HSD17B4: variants seen among roughly 807,000 people sequenced by gnomAD.
HSD17B4 encodes the protein peroxisomal multifunctional enzyme type 2.
In HSD17B4, 70 loss-of-function variants were observed where a neutral mutation model predicts 101.0. That is an observed-to-expected ratio of 0.69 (90% CI 0.57 to 0.85). The LOEUF (loss-of-function observed/expected upper bound fraction) is 0.85, where lower values mean the gene tolerates loss of function less well. Ranked by LOEUF, HSD17B4 falls within the 40% of genes least tolerant of loss-of-function variation. HSD17B4 has a pLI of 0.00. For missense variants in HSD17B4, 984 were observed against 892.4 expected, an observed-to-expected ratio of 1.10 and a Z score of -1.31; for synonymous variants, 347 against 297.1, an observed-to-expected ratio of 1.17 and a Z score of -1.73.
At chr5:119,495,791 C>A in intron 11 of HSD17B4, 1 of 166,730 alleles carries the variant, frequency 6.0e-6, no homozygotes, top group South Asian at 1.2e-4. Context: ...CCACCTCAGC[C>A]TCCCAAGTAG....
At chr5:119,507,181 C>T (rs1345444104) in intron 15 of HSD17B4, among the ~76,000 whole-genome samples, 1 of 152,146 alleles carries the variant, frequency 6.6e-6, no homozygotes, top group Non-Finnish European at 1.5e-5. Flanking sequence ...GAGAATTAAG[C>T]TTGCTGGAGT....
chr5:119,475,776 A>G, intron 5 of HSD17B4, 48 bp from the exon 6 acceptor site: 1 of 1,585,628 alleles, frequency 6.3e-7, no homozygotes, highest in East Asian at 2.2e-5. Flanking sequence ...ATTTTTTTAA[A>G]AAGTATATAC....
chr5:119,521,043 C>G (rs552945923), intron 17 of HSD17B4, among the ~76,000 whole-genome samples: 31 of 152,276 alleles, frequency 2.0e-4, no homozygotes, highest in South Asian at 1.9e-3. Context: ...GCCAAAGCTT[C>G]TTAGTCAGCT....
chr5:119,498,594 G>A (rs1205509901), intron 12 of HSD17B4, among the ~76,000 whole-genome samples: 3 of 123,346 alleles, frequency 2.4e-5, no homozygotes, highest in African/African-American at 7.9e-5. Flanking sequence ...AACATTATGA[G>A]GGACTGGGCG....
chr5:119,453,436 A>C (rs1010274543), intron 1 of HSD17B4, among the ~76,000 whole-genome samples: 3 of 152,142 alleles, frequency 2.0e-5, no homozygotes, highest in African/African-American at 7.2e-5. Flanking sequence ...AAAAAATTAA[A>C]ACAAACCATT....
chr5:119,509,065 G>C, intron 15 of HSD17B4, 76 bp from the exon 16 acceptor site: 2 of 826,810 alleles, frequency 2.4e-6, no homozygotes, highest in Non-Finnish European at 4.2e-6. Flanking sequence ...GACAGGAATT[G>C]TTGAACCTAT....
chr5:119,501,025 A>G (rs1420532274), intron 13 of HSD17B4, among the ~76,000 whole-genome samples: 1 of 152,104 alleles, frequency 6.6e-6, no homozygotes, highest in Non-Finnish European at 1.5e-5. Context: ...CACTTATTTT[A>G]TTAGAGTGTT....
chr5:119,505,309 G>A (rs979963414), intron 14 of HSD17B4, among the ~76,000 whole-genome samples: 3 of 152,004 alleles, frequency 2.0e-5, no homozygotes, highest in Admixed American at 2.0e-4. Flanking sequence ...CATAGGAACA[G>A]CATTGAATCT....
intron 10 of HSD17B4, chr5:119,492,633 G>C (rs550835569): frequency 6.5e-6 from 1 of 153,436 alleles, no homozygotes; most frequent in African/African-American, 2.4e-5. Flanking sequence ...GACAGAAATT[G>C]CAGCTGATCT....
At chr5:119,530,634 C>G (rs1181879943) in intron 21 of HSD17B4, among the ~76,000 whole-genome samples, 1 of 151,334 alleles carries the variant, frequency 6.6e-6, no homozygotes, top group African/African-American at 2.4e-5. Flanking sequence ...GGTTAGGTCA[C>G]TTGAGGTCAG....
intron 23 of HSD17B4, among the ~76,000 whole-genome samples, 153 bp from the exon 24 acceptor site, chr5:119,541,752 G>A (rs1755011782): frequency 6.6e-6 from 1 of 151,306 alleles, no homozygotes; most frequent in South Asian, 2.1e-4. Flanking sequence ...GCTATCTGTA[G>A]TTATTAAATT....
At position 119,474,444 on chromosome 5, in the gene HSD17B4, TG is replaced by T; in HGVS notation, c.265del (p.Ala89LeufsTer5). 1 of 1,605,828 alleles carries T rather than the reference TG, an allele frequency of 6.2e-7. No individual in the cohort carries two copies. ...AGAAGGTTGTGAAGACAGCCCTGGATGCTTTTGGAAGAATAGGTGATGTTTC... is the reference window on the plus strand; with the variant it reads ...AGAAGGTTGTGAAGACAGCCCTGGATCTTTTGGAAGAATAGGTGATGTTTC... ...GEKVVKTALD[A>X]FGRIDVVVNN... On this transcript the variant is annotated frameshift_variant, in exon 4 of 24. Coordinates refer to ENST00000510025, the MANE Select transcript of HSD17B4 (RefSeq NM_000414.4). LOFTEE classifies it high-confidence loss of function.
At chr5:119,491,316 C>T (rs1420983708) in intron 9 of HSD17B4, among the ~76,000 whole-genome samples, 1 of 152,170 alleles carries the variant, frequency 6.6e-6, no homozygotes, top group Non-Finnish European at 1.5e-5. Flanking sequence ...TGAAAAGCCA[C>T]ACCCTTGAAC....
chr5:119,539,444 A>AGGGGGTGGGGGGG (rs1754799478), intron 23 of HSD17B4, among the ~76,000 whole-genome samples: 1 of 92,506 alleles, frequency 1.1e-5, no homozygotes, highest in Admixed American at 1.1e-4. Context: ...GGGTTGGGGG[A>AGGGGGTGGGGGGG]GGGGGGGAGG....
Position 119,464,255 on chromosome 5 carries a change from C to A in HSD17B4, c.112+7887C>A, listed in dbSNP as rs188584009. On this transcript the variant is annotated intron_variant, in intron 2 of 23. Coordinates refer to ENST00000510025, the MANE Select transcript of HSD17B4 (RefSeq NM_000414.4). The stretch of plus-strand genomic sequence containing the variant: ...GCTTCCGAGGTCTCATTTATAAAAT[C>A]TTTGCCCAAACCAATGTCCTGAAGT... 4.9e-4 allele frequency among the ~76,000 whole-genome samples: 74 copies of A among 152,174 alleles called. No individual in the cohort carries two copies. The South Asian group carries it at 5.4e-3, about 11-fold the overall frequency.
intron 21 of HSD17B4, 192 bp downstream of exon 21, chr5:119,530,172 A>T: frequency 3.4e-6 from 2 of 581,338 alleles, no homozygotes; most frequent in Non-Finnish European, 6.1e-6. Flanking sequence ...ACTTTAAAAA[A>T]CTCGTTTTGC....
At chr5:119,486,552 A>G (rs932270808) in intron 8 of HSD17B4, among the ~76,000 whole-genome samples, 2 of 152,136 alleles carry the variant, frequency 1.3e-5, no homozygotes, top group African/African-American at 4.8e-5. Context: ...GACATTTGTC[A>G]TTTAAAAAAA....
intron 20 of HSD17B4, 143 bp from the exon 21 acceptor site, chr5:119,529,751 G>T: frequency 1.6e-6 from 1 of 617,564 alleles, no homozygotes; most frequent in Non-Finnish European, 2.9e-6. Context: ...ATTTACTTTA[G>T]CAGCCTTTTA....
At chr5:119,516,519 A>C (rs1752625651) in intron 17 of HSD17B4, among the ~76,000 whole-genome samples, 1 of 152,130 alleles carries the variant, frequency 6.6e-6, no homozygotes, top group Non-Finnish European at 1.5e-5. Context: ...GCTGCGTGAC[A>C]AAAGACGGTT....
Sources: allele counts gnomAD v4.1 joint callset (sites outside exome capture counted in the v4.1 genomes callset), GRCh38; gene constraint gnomAD v4.1.1; transcripts MANE v1.5; gene names NCBI Gene and HGNC (gene_info 2026-07-23, HGNC 2026-07-21).